SYN3: variants seen among roughly 807,000 people sequenced by gnomAD.
SYN3 encodes the protein synapsin-3.
A neutral mutation model predicts 65.8 loss-of-function variants in SYN3; 35 were observed. The ratio of observed to expected loss-of-function variants is 0.53; its 90% CI spans 0.41 to 0.70. The LOEUF (loss-of-function observed/expected upper bound fraction) is 0.70, where lower values mean the gene tolerates loss of function less well. Ranked by LOEUF, SYN3 falls within the 30% of genes least tolerant of loss-of-function variation. SYN3 has a pLI of 0.00. For synonymous variants in SYN3, 270 were observed against 292.9 expected, an observed-to-expected ratio of 0.92 and a Z score of 0.80; for missense variants, 680 against 749.0, an observed-to-expected ratio of 0.91 and a Z score of 1.08.
At chr22:32,823,217 C>A (rs931696443) in intron 6 of SYN3, among the ~76,000 whole-genome samples, 1 of 152,196 alleles carries the variant, frequency 6.6e-6, no homozygotes, top group Non-Finnish European at 1.5e-5. Flanking sequence ...CTAGGCGCCA[C>A]CTTCTGGCTC....
At chr22:32,710,802 T>G (rs1271508548) in intron 6 of SYN3, among the ~76,000 whole-genome samples, 1 of 152,078 alleles carries the variant, frequency 6.6e-6, no homozygotes, top group Non-Finnish European at 1.5e-5. Flanking sequence ...GCATCATGCT[T>G]CCTGTACTGC....
chr22:32,825,740 A>G (rs1013875412), intron 6 of SYN3, among the ~76,000 whole-genome samples: 35 of 140,596 alleles, frequency 2.5e-4, no homozygotes, highest in Admixed American at 1.8e-3. Flanking sequence ...ATACATATTT[A>G]TTTGTACATA....
rs192694401 is a variant in SYN3 at position 32,654,195 on chromosome 22, G to A, written c.712-57459C>T. Among the ~76,000 whole-genome samples the A allele has an allele frequency of 7.0e-3, 1,068 of 152,202 alleles. 24 individuals carry two copies. Among genetic ancestry groups the A allele is most frequent in the African/African-American group, 0.025 (1,026 of 41,506 alleles). ...TGCCAGGTTGCCTAAAGCCCTTTTT[G>A]TCTGTTTCATTTCCTCCATCCCACC... On this transcript the variant is annotated intron_variant, in intron 6 of 13. Transcript: ENST00000358763.
intron 1 of SYN3, among the ~76,000 whole-genome samples, chr22:33,043,290 A>T (rs1164013504): frequency 6.6e-6 from 1 of 152,068 alleles, no homozygotes; most frequent in African/African-American, 2.4e-5. Flanking sequence ...GCTCACGCCT[A>T]TAATCCCAGC....
intron 6 of SYN3, among the ~76,000 whole-genome samples, chr22:32,617,076 A>C (rs9621508): frequency 0.43 from 65,426 of 152,042 alleles, 15,321 homozygotes; most frequent in African/African-American, 0.61. Flanking sequence ...GAGATTCCTC[A>C]ATGGTCTCTC....
At chr22:33,038,937 C>A (rs1319173358) in intron 1 of SYN3, among the ~76,000 whole-genome samples, 1 of 152,222 alleles carries the variant, frequency 6.6e-6, no homozygotes, top group Non-Finnish European at 1.5e-5. Flanking sequence ...AAGTCCCTGG[C>A]ACTCTGTTCT....
intron 3 of SYN3, among the ~76,000 whole-genome samples, chr22:32,953,316 A>G (rs1019910426): frequency 1.1e-4 from 17 of 152,346 alleles, no homozygotes; most frequent in African/African-American, 4.1e-4. Context: ...CACAGCAGTG[A>G]AAGTAACAGA....
At chr22:32,755,335 C>G (rs1022576692) in intron 6 of SYN3, among the ~76,000 whole-genome samples, 1 of 152,172 alleles carries the variant, frequency 6.6e-6, no homozygotes, top group Non-Finnish European at 1.5e-5. Flanking sequence ...TGCCTTCAGA[C>G]CCACCACACT....
At chr22:32,945,476 C>G (rs1277722189) in intron 3 of SYN3, among the ~76,000 whole-genome samples, 1 of 152,130 alleles carries the variant, frequency 6.6e-6, no homozygotes, top group Admixed American at 6.6e-5. Flanking sequence ...GCTGGGAAAA[C>G]TGGCTAGCCA....
chr22:32,952,821 G>A (rs552496441), intron 3 of SYN3, among the ~76,000 whole-genome samples: 1 of 152,286 alleles, frequency 6.6e-6, no homozygotes, highest in Admixed American at 6.5e-5. Flanking sequence ...CAAAATGTTT[G>A]ATGTAACATA....
intron 4 of SYN3, among the ~76,000 whole-genome samples, chr22:32,918,716 T>C (rs1192609557): frequency 6.6e-6 from 1 of 152,092 alleles, no homozygotes; most frequent in Non-Finnish European, 1.5e-5. Flanking sequence ...AGTGGTCACA[T>C]CTGCAGAAAT....
intron 3 of SYN3, among the ~76,000 whole-genome samples, chr22:32,940,154 C>T (rs971632585): frequency 2.0e-5 from 3 of 152,142 alleles, no homozygotes; most frequent in African/African-American, 7.2e-5. Context: ...TAGGTAATTT[C>T]ATTTGGTGAA....
Position 32,712,247 on chromosome 22 carries a change from C to T in SYN3, c.712-115511G>A, listed in dbSNP as rs115689315. 6.7e-3 allele frequency among the ~76,000 whole-genome samples: 1,024 copies of T among 152,330 alleles called. 11 individuals carry two copies. The highest frequency in any genetic ancestry group is 0.024 in the African/African-American group (994 of 41,574). On this transcript the variant is annotated intron_variant, in intron 6 of 13. Transcript: ENST00000358763. ...AATATTAGCTCCTTTGAGAAGGCTA[C>T]CCTGACTGTCTCAACTAATGTGGCT...
chr22:32,660,482 T>C (rs1400902039), intron 6 of SYN3, among the ~76,000 whole-genome samples: 1 of 152,106 alleles, frequency 6.6e-6, no homozygotes, highest in African/African-American at 2.4e-5. Flanking sequence ...GCACCCTGTG[T>C]TGGTGGAGGG....
chr22:32,718,728 A>G (rs1310475701), intron 6 of SYN3, among the ~76,000 whole-genome samples: 2 of 152,208 alleles, frequency 1.3e-5, no homozygotes, highest in Non-Finnish European at 2.9e-5. Context: ...GATAGGTTTA[A>G]CATAACTTTA....
At chr22:32,800,097 C>T (rs999164767) in intron 6 of SYN3, among the ~76,000 whole-genome samples, 2 of 152,202 alleles carry the variant, frequency 1.3e-5, no homozygotes, top group Admixed American at 1.3e-4. Flanking sequence ...CAAAAATGTT[C>T]TTGGAAATAC....
chr22:32,783,696 A>G (rs2046126468), intron 6 of SYN3, among the ~76,000 whole-genome samples: 1 of 152,230 alleles, frequency 6.6e-6, no homozygotes, highest in Admixed American at 6.5e-5. Context: ...GAAATTCACC[A>G]GAACTCACAG....
intron 4 of SYN3, among the ~76,000 whole-genome samples, chr22:32,908,811 A>C (rs1398934016): frequency 6.6e-6 from 1 of 152,178 alleles, no homozygotes; most frequent in Non-Finnish European, 1.5e-5. Context: ...ATGGATTTAG[A>C]TGGAGACCAT....
At chr22:32,941,082 T>C (rs1319253362) in intron 3 of SYN3, among the ~76,000 whole-genome samples, 1 of 152,142 alleles carries the variant, frequency 6.6e-6, no homozygotes, top group Non-Finnish European at 1.5e-5. Context: ...AAAGACCTCC[T>C]CAACGAAACC....
Sources: allele counts gnomAD v4.1 joint callset (sites outside exome capture counted in the v4.1 genomes callset), GRCh38; gene constraint gnomAD v4.1.1; transcripts MANE v1.5; gene names NCBI Gene and HGNC (gene_info 2026-07-23, HGNC 2026-07-21).